Variants in CFAP74 observed in about 807,000 individuals in gnomAD.
The protein encoded by CFAP74 is cilia and flagella associated protein 74, also known as cilia- and flagella-associated protein 74.
A neutral mutation model predicts 188.9 loss-of-function variants in CFAP74; 124 were observed. That is an observed-to-expected ratio of 0.66 (90% confidence interval 0.57 to 0.76). The LOEUF is 0.76. CFAP74 is among the 30% of genes least tolerant of loss of function. The pLI, the probability that CFAP74 is intolerant of heterozygous loss-of-function variation, is 0.00. For synonymous variants in CFAP74, 956 were observed against 916.7 expected (o/e 1.04, Z -0.77); for missense variants, 2,198 against 2,165.2 (o/e 1.02, Z -0.30).
In CFAP74 at chr1:1,960,572, G is replaced by A. The variant is rs1655010079; in HGVS notation, c.1695-542C>T. Reference sequence around the variant, plus strand: ...CTGGTCTGTCTTGGCCCAGATCAGGGTGAGGGAGCATCTCCCCAAGGAATT... The same window carrying A: ...CTGGTCTGTCTTGGCCCAGATCAGGATGAGGGAGCATCTCCCCAAGGAATT... On this transcript the variant is annotated intron_variant, in intron 14 of 38. Coordinates refer to ENST00000682832, the MANE Select transcript of CFAP74 (RefSeq NM_001304360.2). 8.5e-5 allele frequency among the ~76,000 whole-genome samples: 13 copies of A among 152,244 alleles called. No individual in the cohort carries two copies. The South Asian group carries it at 2.7e-3, about 31-fold the overall frequency.
Position 1,975,940 on chromosome 1 carries a change from C to A in CFAP74, c.501-1742G>T, listed in dbSNP as rs1656410083. 6.6e-6 allele frequency among the ~76,000 whole-genome samples: 1 copy of A among 152,164 alleles called. No individual in the cohort carries two copies. Among genetic ancestry groups the A allele is most frequent in the Non-Finnish European group, 1.5e-5 (1 of 68,032 alleles). On this transcript the variant is annotated intron_variant, in intron 6 of 38. Transcript: ENST00000682832. This position sits in a 1 kb window ranked among gnomAD's most constrained non-coding sequence, Gnocchi z 4.5. ...CCATTCCTGCTGCTGTAGGAAAACACCCACGACCGGGTCTTCGCAAACAAC... is the reference window on the plus strand; with the variant it reads ...CCATTCCTGCTGCTGTAGGAAAACAACCACGACCGGGTCTTCGCAAACAAC...
At chr1:1,944,507 T>G in intron 20 of CFAP74, 55 bp from the exon 21 acceptor site, 1 of 1,521,960 alleles carries the variant, frequency 6.6e-7, no homozygotes, top group Non-Finnish European at 8.8e-7. Context: ...CAGCAGGCAT[T>G]GTTGGTGAGC....
intron 18 of CFAP74, chr1:1,955,297 G>A (rs1169778357): frequency 1.9e-5 from 24 of 1,296,952 alleles, no homozygotes; most frequent in Middle Eastern, 5.1e-4. Flanking sequence ...GGGCCCGCCC[G>A]TTTCTCGGCA....
chr1:1,971,952 G>A (rs1447777294), intron 9 of CFAP74, 28 bp downstream of exon 9: 13 of 1,569,668 alleles, frequency 8.3e-6, no homozygotes, highest in African/African-American at 1.3e-5. Context: ...CGCCAAGGGA[G>A]AGGCTGGGTG....
intron 6 of CFAP74, among the ~76,000 whole-genome samples, chr1:1,977,852 G>A (rs1273237677): frequency 6.6e-6 from 1 of 152,224 alleles, no homozygotes; most frequent in Non-Finnish European, 1.5e-5. Flanking sequence ...TGTTGTTGCT[G>A]TTGTTGAGAT....
intron 1 of CFAP74, among the ~76,000 whole-genome samples, chr1:1,994,043 T>C (rs1014969640): frequency 2.0e-5 from 3 of 151,926 alleles, no homozygotes; most frequent in Admixed American, 6.6e-5. Context: ...TGGGCACCTG[T>C]AGTCCCACCT....
chr1:1,976,992 C>A (rs984159528), intron 6 of CFAP74, among the ~76,000 whole-genome samples: 2 of 151,880 alleles, frequency 1.3e-5, no homozygotes, highest in Admixed American at 1.3e-4. Flanking sequence ...ACTACAGGTG[C>A]CTGCCACCAT....
rs755229284 is a variant in CFAP74, at chr1:1,923,054, C to A, written c.4614G>T (p.Thr1538=). ...TLDYIQFDTD[T]PAPPATRELQ... ...GCTCTCGGGTGGCAGGTGGGGCTGG[C>A]GTGTCTGTGTCAAACTGGATGTAGT... Residue 1538 remains threonine (T), a synonymous_variant, in exon 37 of 39, where the codon ACG becomes ACT. Transcript: ENST00000682832. The surrounding 1 kb of genome is among the most constrained non-coding windows in gnomAD (Gnocchi z 6.3). 1.2e-6 allele frequency: 2 copies of A among 1,608,446 alleles called. No individual in the cohort carries two copies. The highest frequency in any genetic ancestry group is 2.2e-5 in the South Asian group (2 of 90,568).
At chr1:1,963,289 A>G (rs780085320) in intron 14 of CFAP74, among the ~76,000 whole-genome samples, 1 of 152,036 alleles carries the variant, frequency 6.6e-6, no homozygotes, top group East Asian at 1.9e-4. Flanking sequence ...GGTCTCTACT[A>G]AAAATATAAA....
intron 37 of CFAP74, 32 bp downstream of exon 37, chr1:1,922,953 C>T (rs1198229498): frequency 6.5e-7 from 1 of 1,540,202 alleles, no homozygotes; most frequent in Non-Finnish European, 8.7e-7. Context: ...GAGGGGGCTG[C>T]CTGGTGTCCC....
chr1:1,933,857 G>C (rs1652609650), intron 25 of CFAP74, among the ~76,000 whole-genome samples: 1 of 152,008 alleles, frequency 6.6e-6, no homozygotes, highest in Admixed American at 6.6e-5. Context: ...CCTAATTCTT[G>C]AAAAGGAAGC....
chr1:1,948,407 A>G (rs1017009425), intron 18 of CFAP74, among the ~76,000 whole-genome samples: 1 of 48,006 alleles, frequency 2.1e-5, no homozygotes, highest in Non-Finnish European at 3.8e-5. Flanking sequence ...TGCTTGGCAT[A>G]TATAAATATA....
At position 1,989,546 on chromosome 1, in the gene CFAP74, C is replaced by T. The variant is rs146259211; in HGVS notation, c.68-573G>A. ...CGTGATCTTGGCTCTCTGCCACCTT[C>T]GCCTCCCAGGTTCAAGGGATCCTCC... On this transcript the variant is annotated intron_variant, in intron 2 of 38. Transcript: ENST00000682832. Among the ~76,000 whole-genome samples the T allele has an allele frequency of 4.6e-5, 7 of 152,304 alleles. No homozygotes were observed. The East Asian group carries it at 5.8e-4, about 13-fold the overall frequency.
rs1248084178 is a variant in CFAP74, at chr1:1,923,761, A to G, written c.4389+14T>C. On this transcript the variant is annotated intron_variant, in intron 35 of 38. Coordinates refer to ENST00000682832, the MANE Select transcript of CFAP74 (RefSeq NM_001304360.2). This position sits in a 1 kb window ranked among gnomAD's most constrained non-coding sequence, Gnocchi z 6.3. ...GGGCCGGGCCGGGCTGAGCTTGCAG[A>G]GCCAGAGCCGCACCTTTTCAAAGAG... 19 of 1,613,042 alleles carry G rather than the reference A, an allele frequency of 1.2e-5. No homozygotes were observed. The highest frequency in any genetic ancestry group is 1.4e-5 in the Non-Finnish European group (17 of 1,179,844).
rs1184887382 is a variant in CFAP74 at position 1,940,306 on chromosome 1, C to T, written c.2703+10G>A. ...CGCCCAGCATCCCTGGGAAGTGCCC[C>T]AACACAGACCTGGTCGGCAACCCAT... On this transcript the variant is annotated intron_variant, in intron 23 of 38. Transcript: ENST00000682832. The T allele has an allele frequency of 4.6e-6, 7 of 1,534,272 alleles. No homozygotes were observed. The highest frequency in any genetic ancestry group is 6.1e-6 in the Non-Finnish European group (7 of 1,145,718).
chr1:1,938,988 A>G lies in CFAP74; in HGVS notation c.2878T>C (p.Phe960Leu). The stretch of plus-strand genomic sequence containing the variant: ...CCATCGTTGGGTTGGACGTCCACAA[A>G]CTGGAAATAGAAGAGTGCTCTGAGG... Reference protein sequence around the residue: ...QEFGFVRLPKFVDVQPNDGFG... With the variant: ...QEFGFVRLPKLVDVQPNDGFG... Residue 960 changes from phenylalanine to leucine, a missense_variant and splice_region_variant, in exon 25 of 39, where the codon TTT (phenylalanine) becomes CTT (leucine). Transcript: ENST00000682832. The G allele has an allele frequency of 6.5e-7, 1 of 1,535,866 alleles. No homozygotes were observed. The highest frequency in any genetic ancestry group is 1.2e-5 in the South Asian group (1 of 84,050).
chr1:1,957,068 A>G (rs187930566), intron 16 of CFAP74, among the ~76,000 whole-genome samples: 1 of 152,358 alleles, frequency 6.6e-6, no homozygotes, highest in Non-Finnish European at 1.5e-5. Flanking sequence ...GGCCTAAACA[A>G]GGAGCCTGGA....
chr1:1,927,549 T>G, intron 28 of CFAP74, 58 bp downstream of exon 28: 2 of 1,494,632 alleles, frequency 1.3e-6, no homozygotes, highest in Non-Finnish European at 1.8e-6. Flanking sequence ...GGGGCCACAG[T>G]GGGTCCCACC....
rs372842689 is a variant in CFAP74 at position 1,968,734 on chromosome 1, G to T, written c.1146C>A (p.Pro382=). The change falls in exon 11 of 39, where the codon CCC becomes CCA. Residue 382 remains proline, a synonymous_variant. Transcript: ENST00000682832. The surrounding 1 kb of genome is among the most constrained non-coding windows in gnomAD (Gnocchi z 4.3). ...GGGTCAGCCGGTGCCTGGCACTGGT[G>T]GGGGGATGCTGTTTCTTCCTCTTTT... The part of the protein sequence containing the change: ...EEEKRKKQHP[P]TSARHRLTLR... The T allele has an allele frequency of 3.1e-5, 50 of 1,613,938 alleles. No homozygotes were observed. Among genetic ancestry groups the T allele is most frequent in the Non-Finnish European group, 4.2e-5 (50 of 1,179,856 alleles).
Sources: allele counts gnomAD v4.1 joint callset (sites outside exome capture counted in the v4.1 genomes callset), GRCh38; gene constraint gnomAD v4.1.1; non-coding constraint Gnocchi (gnomAD v3.1); transcripts MANE v1.5; gene names NCBI Gene and HGNC (gene_info 2026-07-23, HGNC 2026-07-21).